Variants in HAPLN1 observed in about 807,000 individuals in gnomAD.
HAPLN1 encodes the protein Cartilage link protein.
HAPLN1 carries 13 observed loss-of-function variants against 36.5 expected under a neutral mutation model. The observed-to-expected ratio is 0.36, with a 90% CI of 0.23 to 0.57. The LOEUF (loss-of-function observed/expected upper bound fraction) is 0.57, where lower values mean the gene tolerates loss of function less well. Among genes scored for constraint, HAPLN1 ranks in the 20% least tolerant of loss-of-function variants. HAPLN1 has a pLI of 0.83. For missense variants in HAPLN1, 407 were observed against 439.7 expected, an observed-to-expected ratio of 0.93 and a Z score of 0.66; for synonymous variants, 202 against 169.8, an observed-to-expected ratio of 1.19 and a Z score of -1.48.
chr5:83,715,289 C>G (rs924119313), intron 1 of HAPLN1, among the ~76,000 whole-genome samples: 4 of 152,154 alleles, frequency 2.6e-5, no homozygotes, highest in African/African-American at 9.7e-5. Context: ...GAACCTCATT[C>G]ACAATTAAAT....
At chr5:83,702,794 G>A (rs1295067610) in intron 1 of HAPLN1, among the ~76,000 whole-genome samples, 2 of 146,618 alleles carry the variant, frequency 1.4e-5, no homozygotes, top group African/African-American at 5.5e-5. Flanking sequence ...CTGGAGTGCA[G>A]CGGAGCAATT....
At chr5:83,695,606 A>T (rs1427583431) in intron 1 of HAPLN1, among the ~76,000 whole-genome samples, 1 of 144,144 alleles carries the variant, frequency 6.9e-6, no homozygotes, top group South Asian at 2.2e-4. Context: ...ATCTATATAG[A>T]TATCTATAGA....
intron 2 of HAPLN1, among the ~76,000 whole-genome samples, chr5:83,655,335 A>AGCAACTCTGCCTCCCGG: frequency 6.6e-6 from 1 of 152,160 alleles, no homozygotes; most frequent in African/African-American, 2.4e-5. Flanking sequence ...GTATTTTAGA[A>AGCAACTCTGCCTCCCGG]GTGTAGGTTT....
intron 2 of HAPLN1, 149 bp from the exon 3 acceptor site, chr5:83,652,973 T>C (rs1180762552): frequency 8.2e-6 from 6 of 732,302 alleles, no homozygotes. Context: ...TTGAACCATA[T>C]AGAAAGGGAC....
chr5:83,640,525 G>T lies in HAPLN1; in HGVS notation c.*971C>A, dbSNP rs1485247595. 1 of 152,094 alleles carries T rather than the reference G, an allele frequency of 6.6e-6. No individual in the cohort carries two copies. Among genetic ancestry groups the T allele is most frequent in the East Asian group, 1.9e-4 (1 of 5,194 alleles). 9.4% of individuals were successfully genotyped at this position (152,094 alleles called of 1,614,324 possible). On this transcript the variant is annotated 3_prime_UTR_variant, in exon 5 of 5. Coordinates refer to ENST00000274341, the MANE Select transcript of HAPLN1 (RefSeq NM_001884.4). ...CTGCATTAGGGATTCCTTTTATAAT[G>T]TAATTGATTTTCATATAATGTAAAT...
intron 1 of HAPLN1, among the ~76,000 whole-genome samples, chr5:83,699,098 G>T (rs1751452379): frequency 6.6e-6 from 1 of 152,064 alleles, no homozygotes; most frequent in South Asian, 2.1e-4. Flanking sequence ...TTAACCACTG[G>T]TGAAAAAAAG....
intron 3 of HAPLN1, among the ~76,000 whole-genome samples, chr5:83,651,630 C>G (rs1053517447): frequency 1.3e-4 from 5 of 38,244 alleles, no homozygotes; most frequent in African/African-American, 4.3e-4. Flanking sequence ...TTCTAGCAAG[C>G]GTACACTTAG....
intron 2 of HAPLN1, among the ~76,000 whole-genome samples, chr5:83,666,516 G>T (rs1383863997): frequency 6.6e-6 from 1 of 151,956 alleles, no homozygotes; most frequent in Admixed American, 6.6e-5. Context: ...TTCAATATAA[G>T]CTTTTATACC....
At chr5:83,718,108 T>C (rs1313340140) in intron 1 of HAPLN1, among the ~76,000 whole-genome samples, 2 of 152,204 alleles carry the variant, frequency 1.3e-5, no homozygotes, top group Non-Finnish European at 2.9e-5. Flanking sequence ...ACAAATCCTA[T>C]ATTAGAAGTG....
chr5:83,660,494 G>T (rs946523755), intron 2 of HAPLN1, among the ~76,000 whole-genome samples: 1 of 152,074 alleles, frequency 6.6e-6, no homozygotes, highest in Admixed American at 6.5e-5. Flanking sequence ...GGCATCACGA[G>T]GCCCCAAGGA....
At chr5:83,713,619 G>C (rs1387982708) in intron 1 of HAPLN1, among the ~76,000 whole-genome samples, 1 of 152,106 alleles carries the variant, frequency 6.6e-6, no homozygotes, top group Non-Finnish European at 1.5e-5. Flanking sequence ...TAAGAAATGT[G>C]CATTCAACTC....
intron 1 of HAPLN1, among the ~76,000 whole-genome samples, chr5:83,698,177 G>A (rs1006436834): frequency 6.6e-6 from 1 of 152,078 alleles, no homozygotes. Flanking sequence ...TATTTTGAAA[G>A]AATTTTTGTT....
intron 1 of HAPLN1, among the ~76,000 whole-genome samples, chr5:83,718,050 A>G (rs1260930998): frequency 6.6e-6 from 1 of 152,202 alleles, no homozygotes; most frequent in Non-Finnish European, 1.5e-5. Flanking sequence ...AAGATGGTCA[A>G]ACTCTTTCCA....
chr5:83,651,497 T>G (rs1219974933), intron 3 of HAPLN1, among the ~76,000 whole-genome samples: 1 of 128,012 alleles, frequency 7.8e-6, no homozygotes, highest in Non-Finnish European at 1.7e-5. Context: ...AAAAATGTAC[T>G]TTACGATGTT....
intron 2 of HAPLN1, among the ~76,000 whole-genome samples, chr5:83,659,232 C>T (rs1750312054): frequency 6.6e-6 from 1 of 151,788 alleles, no homozygotes; most frequent in Non-Finnish European, 1.5e-5. Context: ...CAAGATTGCA[C>T]CACTGCACTC....
chr5:83,652,846 A>G (rs1750110488), intron 2 of HAPLN1, 22 bp from the exon 3 acceptor site: 1 of 1,535,586 alleles, frequency 6.5e-7, no homozygotes, highest in Non-Finnish European at 8.7e-7. Flanking sequence ...AAGGAAAAAA[A>G]AAAGAAAATA....
At chr5:83,698,219 A>G (rs1437442627) in intron 1 of HAPLN1, among the ~76,000 whole-genome samples, 3 of 152,030 alleles carry the variant, frequency 2.0e-5, no homozygotes, top group Admixed American at 6.6e-5. Flanking sequence ...ACTTCATTCT[A>G]TGTCTGTGTC....
intron 1 of HAPLN1, among the ~76,000 whole-genome samples, chr5:83,687,246 G>A (rs1751149328): frequency 6.6e-6 from 1 of 152,116 alleles, no homozygotes; most frequent in African/African-American, 2.4e-5. Flanking sequence ...TATAGTGAAT[G>A]GCCTAAGGAA....
chr5:83,642,306 G>A (rs1471649853), intron 4 of HAPLN1, among the ~76,000 whole-genome samples: 2 of 152,108 alleles, frequency 1.3e-5, no homozygotes, highest in Non-Finnish European at 2.9e-5. Flanking sequence ...CAAAGACTAC[G>A]TATGAAAATG....
Sources: allele counts gnomAD v4.1 joint callset (sites outside exome capture counted in the v4.1 genomes callset), GRCh38; gene constraint gnomAD v4.1.1; transcripts MANE v1.5; gene names NCBI Gene and HGNC (gene_info 2026-07-23, HGNC 2026-07-21).